Variants in CSMD1 observed in about 807,000 individuals in gnomAD.
CSMD1 encodes the protein CUB and Sushi multiple domains 1, also known as CUB and sushi domain-containing protein 1.
In CSMD1, 213 loss-of-function variants were observed where a neutral mutation model predicts 417.5. That is an observed-to-expected ratio of 0.51 (90% CI 0.46 to 0.57). The LOEUF (loss-of-function observed/expected upper bound fraction) is 0.57. Among genes scored for constraint, CSMD1 ranks in the 20% least tolerant of loss-of-function variants. CSMD1 has a pLI of 0.00. For missense variants in CSMD1, 6,923 were observed against 4,529.7 expected (o/e 1.53, Z -15.17); for synonymous variants, 2,862 against 1,736.8 (o/e 1.65, Z -16.11).
chr8:4,738,007 C>T (rs1454179391), intron 1 of CSMD1, among the ~76,000 whole-genome samples: 1 of 152,128 alleles, frequency 6.6e-6, no homozygotes, highest in Non-Finnish European at 1.5e-5. Context: ...ATCCTTTCTC[C>T]ACATGTAACT....
At chr8:4,181,027 G>A (rs778997238) in intron 3 of CSMD1, among the ~76,000 whole-genome samples, 3 of 152,054 alleles carry the variant, frequency 2.0e-5, no homozygotes, top group Non-Finnish European at 2.9e-5. Context: ...AAGTCCAGCT[G>A]AAAAATAATG....
chr8:3,673,566 C>G (rs1299213569), intron 7 of CSMD1, among the ~76,000 whole-genome samples: 1 of 152,188 alleles, frequency 6.6e-6, no homozygotes, highest in Non-Finnish European at 1.5e-5. Context: ...CCTACCCTCT[C>G]AGTATGCACA....
rs1474827553 is a variant in CSMD1, at chr8:3,409,536, A to C, written c.1631T>G (p.Leu544Arg). ...AYGKRTGSSF[L>R]HGDTLTFECP... ...TTCAAAGGTGAGTGTATCTCCATGGAGGAAACTGCTGCCCGTCCGCTTCCC... is the reference window on the plus strand; with the variant it reads ...TTCAAAGGTGAGTGTATCTCCATGGCGGAAACTGCTGCCCGTCCGCTTCCC... Residue 544 changes from leucine to arginine, a missense_variant, in exon 13 of 70, where the codon CTC (leucine) becomes CGC (arginine). By Grantham distance (102) the Leu-to-Arg change is moderately radical. Transcript: ENST00000635120. 1 of 1,611,482 alleles carries C rather than the reference A, an allele frequency of 6.2e-7. No individual in the cohort carries two copies. Among genetic ancestry groups the C allele is most frequent in the Non-Finnish European group, 8.5e-7 (1 of 1,178,890 alleles).
chr8:3,501,365 T>G (rs943480420), intron 10 of CSMD1, among the ~76,000 whole-genome samples: 1 of 152,226 alleles, frequency 6.6e-6, no homozygotes, highest in Non-Finnish European at 1.5e-5. Context: ...CTTTTGATGT[T>G]CTTCCGTAAA....
At chr8:4,264,018 T>C (rs192165659) in intron 3 of CSMD1, among the ~76,000 whole-genome samples, 170 of 152,298 alleles carry the variant, frequency 1.1e-3, no homozygotes, top group Non-Finnish European at 1.7e-3. Context: ...ATCGTTCTTA[T>C]TGACTAGCTC....
intron 42 of CSMD1, among the ~76,000 whole-genome samples, chr8:3,117,143 G>A (rs1490426700): frequency 6.6e-6 from 1 of 152,016 alleles, no homozygotes; most frequent in African/African-American, 2.4e-5. Context: ...CGATCTCAGG[G>A]CACTGCAACC....
intron 37 of CSMD1, among the ~76,000 whole-genome samples, chr8:3,180,355 C>A (rs1821244624): frequency 6.6e-6 from 1 of 152,148 alleles, no homozygotes; most frequent in South Asian, 2.1e-4. Context: ...GGCTCCGGAG[C>A]AACAGCTCTC....
chr8:3,786,079 T>C (rs1799442296), intron 5 of CSMD1, among the ~76,000 whole-genome samples: 1 of 152,076 alleles, frequency 6.6e-6, no homozygotes, highest in Non-Finnish European at 1.5e-5. Flanking sequence ...GCAGGCCTCA[T>C]TGAAAGACTG....
intron 54 of CSMD1, among the ~76,000 whole-genome samples, chr8:2,989,727 G>C (rs1355939391): frequency 2.0e-5 from 3 of 152,108 alleles, no homozygotes; most frequent in African/African-American, 7.2e-5. Context: ...GGATAAATTA[G>C]AAGAAAGTGG....
At chr8:3,881,778 T>C (rs1434085930) in intron 5 of CSMD1, among the ~76,000 whole-genome samples, 1 of 151,840 alleles carries the variant, frequency 6.6e-6, no homozygotes, top group Non-Finnish European at 1.5e-5. Context: ...CTCTGAATGG[T>C]CGATGCAAGG....
chr8:3,955,506 G>A (rs187613468), intron 5 of CSMD1, among the ~76,000 whole-genome samples: 246 of 152,274 alleles, frequency 1.6e-3, no homozygotes, highest in Middle Eastern at 3.4e-3. Flanking sequence ...CATGTTTGAA[G>A]CTGTCAGCCA....
At chr8:4,681,951 GC>G (rs1806078047) in intron 1 of CSMD1, among the ~76,000 whole-genome samples, 1 of 152,108 alleles carries the variant, frequency 6.6e-6, no homozygotes. Flanking sequence ...TATTTTCTTT[GC>G]TTTCTTGTGT....
intron 3 of CSMD1, among the ~76,000 whole-genome samples, chr8:4,060,711 G>C (rs1439113668): frequency 1.3e-5 from 2 of 152,080 alleles, no homozygotes. Context: ...CTCCACATGG[G>C]AATTTTAATA....
chr8:3,931,885 C>G (rs2627332), intron 5 of CSMD1, among the ~76,000 whole-genome samples: 114,361 of 145,428 alleles, frequency 0.79, 45,958 homozygotes, highest in Middle Eastern at 0.82. Flanking sequence ...GGTTGTCAGA[C>G]ATTGTAGGAA....
intron 7 of CSMD1, among the ~76,000 whole-genome samples, chr8:3,680,034 C>G (rs1307176169): frequency 1.3e-5 from 2 of 151,910 alleles, no homozygotes; most frequent in African/African-American, 4.8e-5. Context: ...ACATTTAAAG[C>G]AGTGTGTAGA....
intron 3 of CSMD1, among the ~76,000 whole-genome samples, chr8:4,120,580 G>T (rs138675077): frequency 1.3e-5 from 2 of 152,294 alleles, no homozygotes; most frequent in South Asian, 2.1e-4. Flanking sequence ...GCTTTCAAAT[G>T]GCCTGTGGCC....
At chr8:3,311,054 G>C (rs189545859) in intron 23 of CSMD1, among the ~76,000 whole-genome samples, 110 of 152,040 alleles carry the variant, frequency 7.2e-4, no homozygotes, top group South Asian at 1.9e-3. Flanking sequence ...AACCCATTAA[G>C]AGTGGGAAAT....
chr8:4,170,342 T>C (rs1308988893), intron 3 of CSMD1, among the ~76,000 whole-genome samples: 2 of 151,930 alleles, frequency 1.3e-5, no homozygotes, highest in East Asian at 1.9e-4. Flanking sequence ...TCTCATTTCA[T>C]GCAGTTCCGT....
chr8:4,018,115 C>A (rs543155405), intron 4 of CSMD1, among the ~76,000 whole-genome samples: 32 of 152,192 alleles, frequency 2.1e-4, no homozygotes, highest in African/African-American at 6.7e-4. Context: ...CATAAAGTAT[C>A]CTACAAAGTG....
Sources: gnomAD v4.1 joint callset for allele counts (sites outside exome capture counted in the v4.1 genomes callset) on GRCh38, gnomAD v4.1.1 for gene constraint, MANE v1.5 for transcripts, NCBI Gene and HGNC (gene_info 2026-07-23, HGNC 2026-07-21) for gene names.